C12orf42: variants seen among roughly 807,000 people sequenced by gnomAD.
The protein encoded by C12orf42 is chromosome 12 open reading frame 42.
A neutral mutation model predicts 21.6 loss-of-function variants in C12orf42; 25 were observed. That is an observed-to-expected ratio of 1.16 (90% CI 0.84 to 1.62). The LOEUF is 1.62. Among genes scored for constraint, C12orf42 ranks in the 40% most tolerant of loss-of-function variants. The pLI, the probability that C12orf42 is intolerant of heterozygous loss-of-function variation, is 0.00. For missense variants in C12orf42, 483 were observed against 459.3 expected (o/e 1.05, Z -0.47); for synonymous variants, 174 against 175.0 (o/e 0.99, Z 0.05).
the C12orf42 span, among the ~76,000 whole-genome samples, chr12:103,166,054 GAAAAAAGAA>G: frequency 5.5e-5 from 8 of 145,388 alleles, no homozygotes; most frequent in African/African-American, 2.2e-4. Context: ...AAAAAAGAAA[GAAAAAAGAA>G]AGAGAGAGAG....
chr12:103,130,767 T>C, the C12orf42 span, among the ~76,000 whole-genome samples: 6 of 152,166 alleles, frequency 3.9e-5, no homozygotes, highest in African/African-American at 9.7e-5. Context: ...TGATGGGTCA[T>C]TGGATGTGGA....
intron 3 of C12orf42, among the ~76,000 whole-genome samples, chr12:103,373,537 T>G (rs897546645): frequency 6.6e-6 from 1 of 152,158 alleles, no homozygotes; most frequent in African/African-American, 2.4e-5. Context: ...AGGCATATTT[T>G]CTTTCTCTCT....
chr12:103,269,453 C>T (rs572175366), intron 6 of C12orf42, among the ~76,000 whole-genome samples: 2 of 152,248 alleles, frequency 1.3e-5, no homozygotes, highest in South Asian at 4.1e-4. Context: ...AGAATAACAA[C>T]AGTCATGATC....
chr12:103,285,060 G>A (rs549462545), intron 4 of C12orf42, among the ~76,000 whole-genome samples: 1 of 152,140 alleles, frequency 6.6e-6, no homozygotes, highest in East Asian at 1.9e-4. Context: ...CCTGGCTTCT[G>A]GCTTAAATAC....
At chr12:103,288,806 C>T (rs73385677) in intron 4 of C12orf42, among the ~76,000 whole-genome samples, 1,579 of 152,114 alleles carry the variant, frequency 0.01, 22 homozygotes, top group African/African-American at 0.032. Context: ...TTTTTATTAG[C>T]AAAAAACACA....
intron 3 of C12orf42, among the ~76,000 whole-genome samples, chr12:103,397,386 G>T (rs548293987): frequency 6.6e-6 from 1 of 152,172 alleles, no homozygotes; most frequent in African/African-American, 2.4e-5. Context: ...TGAGTGCCAG[G>T]CTGGGGGCAA....
intron 3 of C12orf42, among the ~76,000 whole-genome samples, chr12:103,393,999 A>C (rs965974514): frequency 6.6e-6 from 1 of 152,202 alleles, no homozygotes; most frequent in Admixed American, 6.5e-5. Flanking sequence ...CTTGCGAGCT[A>C]TCATCTGGGC....
At chr12:103,070,288 A>G in the C12orf42 span, among the ~76,000 whole-genome samples, 1 of 152,156 alleles carries the variant, frequency 6.6e-6, no homozygotes, top group East Asian at 1.9e-4. Flanking sequence ...TTGTGTTTGT[A>G]TCCCTATGAG....
chr12:103,193,408 A>C, the C12orf42 span, among the ~76,000 whole-genome samples: 8 of 151,854 alleles, frequency 5.3e-5, no homozygotes, highest in South Asian at 1.7e-3. Context: ...AGAAATAAAT[A>C]AAGGATAAAA....
chr12:103,446,626 CAT>C (rs1414570049), intron 2 of C12orf42, among the ~76,000 whole-genome samples: 2 of 151,958 alleles, frequency 1.3e-5, no homozygotes, highest in Admixed American at 6.6e-5. Flanking sequence ...TCAACTAAAA[CAT>C]AAGGACTCAC....
the C12orf42 span, among the ~76,000 whole-genome samples, chr12:103,080,107 G>C: frequency 1.3e-5 from 2 of 152,046 alleles, no homozygotes; most frequent in Non-Finnish European, 2.9e-5. Flanking sequence ...ACTTGAAGTG[G>C]GACTAGTGAC....
intron 10 of C12orf42, among the ~76,000 whole-genome samples, chr12:103,260,875 AT>A: frequency 6.6e-6 from 1 of 152,286 alleles, no homozygotes; most frequent in South Asian, 2.1e-4. Context: ...CTAAACTCTG[AT>A]TTAGGATTTG....
chr12:103,529,291 G>C, the C12orf42 span, among the ~76,000 whole-genome samples: 3 of 152,166 alleles, frequency 2.0e-5, no homozygotes, highest in East Asian at 5.8e-4. Flanking sequence ...TTCTAATGGA[G>C]CCCATAGGAT....
intron 4 of C12orf42, among the ~76,000 whole-genome samples, chr12:103,326,956 A>G (rs1821300471): frequency 6.6e-6 from 1 of 152,246 alleles, no homozygotes; most frequent in Non-Finnish European, 1.5e-5. Flanking sequence ...AGCATATTAA[A>G]AGCACTCAAT....
the C12orf42 span, among the ~76,000 whole-genome samples, chr12:103,553,065 G>A: frequency 6.6e-6 from 1 of 152,106 alleles, no homozygotes; most frequent in Non-Finnish European, 1.5e-5. Flanking sequence ...AGATTTGGGT[G>A]GGGACACAAA....
At chr12:103,519,502 T>C in the C12orf42 span, among the ~76,000 whole-genome samples, 3 of 152,170 alleles carry the variant, frequency 2.0e-5, no homozygotes, top group Admixed American at 1.3e-4. Context: ...ACAAATTACT[T>C]AACCCTCTAG....
the C12orf42 span, among the ~76,000 whole-genome samples, chr12:103,131,460 AT>A: frequency 6.6e-6 from 1 of 152,192 alleles, no homozygotes; most frequent in Non-Finnish European, 1.5e-5. Context: ...GAATGTGTTT[AT>A]TTTTATTTAC....
At chr12:103,395,638 A>AC (rs1285647835) in intron 3 of C12orf42, among the ~76,000 whole-genome samples, 1 of 152,122 alleles carries the variant, frequency 6.6e-6, no homozygotes, top group East Asian at 1.9e-4. Flanking sequence ...CCAGGTCCAG[A>AC]CCCATTATTC....
chr12:103,464,852 G>A (rs193080516), intron 2 of C12orf42, among the ~76,000 whole-genome samples: 10 of 152,146 alleles, frequency 6.6e-5, no homozygotes, highest in Admixed American at 6.5e-4. Flanking sequence ...GTTTTGTCAG[G>A]TTTGTCAAAG....
Sources: allele counts gnomAD v4.1 joint callset (sites outside exome capture counted in the v4.1 genomes callset), GRCh38; gene constraint gnomAD v4.1.1; transcripts MANE v1.5; gene names NCBI Gene and HGNC (gene_info 2026-07-23, HGNC 2026-07-21).